MCC: variants seen among roughly 807,000 people sequenced by gnomAD.
MCC encodes the protein colorectal mutant cancer protein.
In MCC, 90 loss-of-function variants were observed where a neutral mutation model predicts 116.2. That is an observed-to-expected ratio of 0.77 (90% CI 0.65 to 0.92). MCC has a LOEUF of 0.92. MCC is among the 40% of genes least tolerant of loss of function. The pLI is 0.00. For synonymous variants in MCC, 578 were observed against 510.5 expected (o/e 1.13, Z -1.78); for missense variants, 1,516 against 1,312.2 (o/e 1.16, Z -2.40).
At chr5:113,081,047 G>A (rs1259026301) in intron 11 of MCC, among the ~76,000 whole-genome samples, 4 of 152,128 alleles carry the variant, frequency 2.6e-5, no homozygotes, top group African/African-American at 9.7e-5. Context: ...TGCTAAAGAA[G>A]GAAAACATTT....
chr5:113,093,117 T>C (rs943117486), intron 8 of MCC, among the ~76,000 whole-genome samples: 2 of 152,026 alleles, frequency 1.3e-5, no homozygotes, highest in African/African-American at 4.8e-5. Context: ...TTAAATAAAT[T>C]AAAAGTAATG....
intron 14 of MCC, among the ~76,000 whole-genome samples, chr5:113,055,393 G>C (rs568490815): frequency 1.3e-5 from 2 of 152,296 alleles, no homozygotes; most frequent in Non-Finnish European, 1.5e-5. Context: ...GCCTAGACAT[G>C]AGTGAGGGCA....
chr5:113,034,312 G>A (rs762306360), intron 17 of MCC, among the ~76,000 whole-genome samples: 8 of 152,222 alleles, frequency 5.3e-5, no homozygotes, highest in Non-Finnish European at 1.2e-4. Context: ...AAACCAAGGT[G>A]GCTTGCCAGT....
At chr5:113,461,045 G>C (rs1167452067) in intron 1 of MCC, among the ~76,000 whole-genome samples, 1 of 152,176 alleles carries the variant, frequency 6.6e-6, no homozygotes, top group Non-Finnish European at 1.5e-5. Context: ...GATGGCTTGA[G>C]GCCAGGAGTT....
intron 3 of MCC, among the ~76,000 whole-genome samples, chr5:113,190,233 TTGTGTTCACAGCC>T: frequency 6.6e-6 from 1 of 152,220 alleles, no homozygotes; most frequent in East Asian, 1.9e-4. Context: ...TGTCTTTTGC[TTGTGTTCACAGCC>T]TGCTCTAAAC....
At chr5:113,152,983 T>C (rs1759968484) in intron 3 of MCC, among the ~76,000 whole-genome samples, 1 of 152,120 alleles carries the variant, frequency 6.6e-6, no homozygotes. Context: ...AGTGTTCCCG[T>C]TGTATAGTCT....
rs370593297 is a variant in MCC at position 113,084,092 on chromosome 5, A to C, written c.1635+9T>G. ...GTACTTTCTTGCCTTGCTTCTCATG[A>C]ACACTCACCCCTATGCTACTGATTT... On this transcript the variant is annotated intron_variant, in intron 10 of 18. Transcript: ENST00000408903. 1.9e-6 allele frequency: 3 copies of C among 1,612,838 alleles called. No individual in the cohort carries two copies. The highest frequency in any genetic ancestry group is 2.5e-6 in the Non-Finnish European group (3 of 1,178,946).
chr5:113,254,306 T>A (rs1764922333), intron 3 of MCC, among the ~76,000 whole-genome samples: 1 of 151,836 alleles, frequency 6.6e-6, no homozygotes, highest in Non-Finnish European at 1.5e-5. Flanking sequence ...TATAATATAC[T>A]CCAGGAAAAT....
At chr5:113,265,818 C>A (rs1029245304) in intron 3 of MCC, among the ~76,000 whole-genome samples, 5 of 152,128 alleles carry the variant, frequency 3.3e-5, no homozygotes, top group African/African-American at 4.8e-5. Context: ...TAGAATCATA[C>A]CCCGTTTCCA....
At chr5:113,245,226 A>G (rs1370029354) in intron 3 of MCC, among the ~76,000 whole-genome samples, 3 of 151,674 alleles carry the variant, frequency 2.0e-5, no homozygotes, top group Admixed American at 1.3e-4. Flanking sequence ...AGGGAGGCAG[A>G]AGTTGCAGTA....
chr5:113,287,943 C>A (rs866087100), intron 3 of MCC, among the ~76,000 whole-genome samples: 1 of 152,272 alleles, frequency 6.6e-6, no homozygotes, highest in Non-Finnish European at 1.5e-5. Context: ...TCTCTCCCTG[C>A]TTCCAGGTCT....
chr5:113,064,539 T>C (rs957628264), intron 13 of MCC, among the ~76,000 whole-genome samples: 2 of 152,218 alleles, frequency 1.3e-5, no homozygotes, highest in African/African-American at 2.4e-5. Context: ...CCTCTGTGCA[T>C]TGGCACTTCC....
intron 14 of MCC, among the ~76,000 whole-genome samples, chr5:113,057,684 G>T (rs1752926353): frequency 6.6e-6 from 1 of 152,222 alleles, no homozygotes; most frequent in Admixed American, 6.5e-5. Flanking sequence ...CTCAGCGAAG[G>T]CCTGTCTGCC....
chr5:113,139,295 G>C (rs772792766), intron 5 of MCC, among the ~76,000 whole-genome samples: 2 of 152,158 alleles, frequency 1.3e-5, no homozygotes, highest in Non-Finnish European at 2.9e-5. Flanking sequence ...ATTTAATGCA[G>C]AGTCCTTTGT....
intron 3 of MCC, among the ~76,000 whole-genome samples, chr5:113,287,079 T>C (rs573240787): frequency 6.6e-6 from 1 of 152,252 alleles, no homozygotes; most frequent in African/African-American, 2.4e-5. Context: ...GGCAGATATA[T>C]GGGGGAGGAA....
At chr5:113,099,561 T>C (rs931713081) in intron 8 of MCC, among the ~76,000 whole-genome samples, 1 of 152,234 alleles carries the variant, frequency 6.6e-6, no homozygotes, top group African/African-American at 2.4e-5. Flanking sequence ...ATTTTTGCTT[T>C]GGGTGCTATT....
chr5:113,295,785 A>G (rs979749047), intron 3 of MCC, among the ~76,000 whole-genome samples: 2 of 152,228 alleles, frequency 1.3e-5, no homozygotes, highest in Non-Finnish European at 2.9e-5. Flanking sequence ...AATGAATTTG[A>G]GATGCACAGA....
At chr5:113,384,469 T>C (rs1046555551) in intron 2 of MCC, among the ~76,000 whole-genome samples, 8 of 151,950 alleles carry the variant, frequency 5.3e-5, no homozygotes, top group African/African-American at 1.9e-4. Flanking sequence ...GTGCCTGTAG[T>C]CCCAGCTACT....
chr5:113,101,287 G>A (rs1238378338), intron 8 of MCC, among the ~76,000 whole-genome samples: 1 of 151,766 alleles, frequency 6.6e-6, no homozygotes, highest in Non-Finnish European at 1.5e-5. Flanking sequence ...CACCAGGAGA[G>A]ACGACATTCT....
Sources: allele counts gnomAD v4.1 joint callset (sites outside exome capture counted in the v4.1 genomes callset), GRCh38; gene constraint gnomAD v4.1.1; transcripts MANE v1.5; gene names NCBI Gene and HGNC (gene_info 2026-07-23, HGNC 2026-07-21).